Variants in NBEAL2 observed in about 807,000 individuals in gnomAD.
NBEAL2 encodes the protein neurobeachin like 2.
NBEAL2 carries 160 observed loss-of-function variants against 299.8 expected under a neutral mutation model. That is an observed-to-expected ratio of 0.53 (90% CI 0.47 to 0.61). NBEAL2 has a LOEUF of 0.61. Among genes scored for constraint, NBEAL2 ranks in the 20% least tolerant of loss-of-function variants. The pLI is 0.00. For missense variants in NBEAL2, 3,112 were observed against 3,649.0 expected (o/e 0.85, Z 3.79); for synonymous variants, 1,493 against 1,542.3 (o/e 0.97, Z 0.75).
At chr3:46,999,548 GATAGTGGC>G in intron 25 of NBEAL2, 74 bp downstream of exon 25, 1 of 1,591,710 alleles carries the variant, frequency 6.3e-7, no homozygotes, top group South Asian at 1.1e-5. Flanking sequence ...GAAGAAGGAA[GATAGTGGC>G]ATAGGGGCCA....
chr3:46,998,363 C>A, intron 21 of NBEAL2, 100 bp from the exon 22 acceptor site: 1 of 1,509,982 alleles, frequency 6.6e-7, no homozygotes, highest in Non-Finnish European at 9.0e-7. Context: ...GGGACTATGA[C>A]CCTGCCCTGG....
rs2037552902 is a variant in NBEAL2, at chr3:47,007,651, T to C, written c.7461T>C (p.Thr2487=). Residue 2487 remains threonine, a synonymous_variant, in exon 48 of 54, where the codon ACT becomes ACC. Coordinates refer to ENST00000450053, the MANE Select transcript of NBEAL2 (RefSeq NM_015175.3). ...ACTGGGATGGCAGCCTGCGGGTGAC[T>C]GCACTACCCCGTGGCAAGCTGTTGA... ...GGHWDGSLRV[T]ALPRGKLLSQ... 1.2e-6 allele frequency: 2 copies of C among 1,611,042 alleles called. No individual in the cohort carries two copies. Among genetic ancestry groups the C allele is most frequent in the Non-Finnish European group, 1.7e-6 (2 of 1,178,760 alleles).
intron 49 of NBEAL2, 46 bp from the exon 50 acceptor site, chr3:47,008,024 C>T (rs774339303): frequency 1.2e-6 from 2 of 1,601,060 alleles, no homozygotes; most frequent in Admixed American, 1.7e-5. Context: ...GCCTTCATTT[C>T]CTGAGCCTCA....
In NBEAL2 at chr3:46,999,409, G is replaced by A. The variant is rs2036779088; in HGVS notation, c.3638G>A (p.Cys1213Tyr). ...TGTGGTCTCCAGGGTCTGGTTGCCTGCTTGCCTGAGGGGACTGTTTCCCCC... is the reference window on the plus strand; with the variant it reads ...TGTGGTCTCCAGGGTCTGGTTGCCTACTTGCCTGAGGGGACTGTTTCCCCC... Reference protein sequence around the residue: ...RECGLQGLVACLPEGTVSPQL... With the variant: ...RECGLQGLVAYLPEGTVSPQL... Residue 1213 changes from cysteine (C) to tyrosine (Y), a missense_variant, in exon 25 of 54, where the codon TGC becomes TAC. Around this residue, in one of 3 missense-constraint regions of NBEAL2, gnomAD observed 2,243 missense variants for 2,538.1 expected, o/e 0.88. Transcript: ENST00000450053. 1 of 1,597,022 alleles carries A rather than the reference G, an allele frequency of 6.3e-7. No individual in the cohort carries two copies. Among genetic ancestry groups the A allele is most frequent in the Non-Finnish European group, 8.5e-7 (1 of 1,172,570 alleles).
Position 46,996,261 on chromosome 3 carries a change from G to A in NBEAL2, c.2152-10G>A, listed in dbSNP as rs926526909. 5 of 1,604,268 alleles carry A rather than the reference G, an allele frequency of 3.1e-6. No individual in the cohort carries two copies. The highest frequency in any genetic ancestry group is 2.2e-5 in the East Asian group (1 of 44,876). ...GTGACCTGACCGCTCCCCCAACCCC[G>A]GCCCCACAGCCTTTCTCCTCCTGCT... On this transcript the variant is annotated splice_polypyrimidine_tract_variant and intron_variant, in intron 15 of 53. Coordinates refer to ENST00000450053, the MANE Select transcript of NBEAL2 (RefSeq NM_015175.3).
Position 46,995,819 on chromosome 3 carries a change from C to T in NBEAL2, c.2004C>T (p.Pro668=), listed in dbSNP as rs200033229. 48 of 1,613,732 alleles carry T rather than the reference C, an allele frequency of 3.0e-5. No individual in the cohort carries two copies. In the African/African-American group the frequency reaches 4.4e-4, roughly 15 times the overall value. The change falls in exon 14 of 54, where the codon CCC becomes CCT. Residue 668 remains proline (P), a synonymous_variant. Transcript: ENST00000450053. ...AGGAGTATTTGACCATGAGTTTGCC[C>T]GAAGTGTCCTTTGCCGACTCTGCCT... is the stretch of plus-strand genomic sequence containing the variant. The part of the protein sequence containing the change: ...TRKEYLTMSL[P]EVSFADSAWH...
At chr3:46,980,982 T>C (rs748121459) in intron 1 of NBEAL2, among the ~76,000 whole-genome samples, 37 of 152,172 alleles carry the variant, frequency 2.4e-4, no homozygotes, top group Non-Finnish European at 4.3e-4. Context: ...GCTGGCCCAC[T>C]GTCTTCCACG....
Position 47,002,382 on chromosome 3 carries a change from C to T in NBEAL2, c.5163C>T (p.Thr1721=), listed in dbSNP as rs774957444. ...RHFIDKQVQP[T]MSQFEMDTYA... is the part of the protein sequence containing the mutation. ...GCCCAATCCTCCAGGTACAGCCAAC[C>T]ATGTCCCAGTTCGAAATGGACACGT... Residue 1721 remains threonine (T), a synonymous_variant, in exon 32 of 54, where the codon ACC becomes ACT. Transcript: ENST00000450053. 1.2e-6 allele frequency: 2 copies of T among 1,613,560 alleles called. No individual in the cohort carries two copies. The highest frequency in any genetic ancestry group is 1.7e-5 in the Admixed American group (1 of 60,018).
chr3:46,989,401 A>T lies in NBEAL2; in HGVS notation c.473+20A>T. On this transcript the variant is annotated intron_variant, in intron 5 of 53. Coordinates refer to ENST00000450053, the MANE Select transcript of NBEAL2 (RefSeq NM_015175.3). This position sits in a 1 kb window ranked among gnomAD's most constrained non-coding sequence, Gnocchi z 5.5. ...CAGTGGGTGAGACCCAGCCCACAGG[A>T]AGGGAACCCAGAGGAGGGTGGGGAG... 6.4e-7 allele frequency: 1 copy of T among 1,571,128 alleles called. No individual in the cohort carries two copies. Among genetic ancestry groups the T allele is most frequent in the Non-Finnish European group, 8.6e-7 (1 of 1,158,202 alleles).
At position 47,005,112 on chromosome 3, in the gene NBEAL2, G is replaced by A. The variant is rs1325485684; in HGVS notation, c.6419+16G>A. 1 of 1,613,868 alleles carries A rather than the reference G, an allele frequency of 6.2e-7. No homozygotes were observed. Among genetic ancestry groups the A allele is most frequent in the Non-Finnish European group, 8.5e-7 (1 of 1,179,892 alleles). On this transcript the variant is annotated intron_variant, in intron 39 of 53. Transcript: ENST00000450053. ...TGAGGGAGAAGTGAGCATGTGGGCA[G>A]GGCTGGGCTCAGCGGGTAGGGAAAG...
Position 46,997,547 on chromosome 3 carries a change from C to A in NBEAL2, c.2825-14C>A. 6.3e-7 allele frequency: 1 copy of A among 1,586,334 alleles called. No homozygotes were observed. Reference sequence around the variant, plus strand: ...CCCTTGACACACATCTGTCCCCTTCCTGATGGCTGGCAGAGGAACGGATGG... The same window carrying A: ...CCCTTGACACACATCTGTCCCCTTCATGATGGCTGGCAGAGGAACGGATGG... On this transcript the variant is annotated splice_polypyrimidine_tract_variant and intron_variant, in intron 19 of 53. Coordinates refer to ENST00000450053, the MANE Select transcript of NBEAL2 (RefSeq NM_015175.3).
Position 47,008,133 on chromosome 3 carries a change from GTGAGCTGTGTGGCCATCAGCAC to G in NBEAL2, c.7670_7691del (p.Ser2557AsnfsTer14). The G allele has an allele frequency of 1.2e-6, 2 of 1,614,028 alleles. No homozygotes were observed. Among genetic ancestry groups the G allele is most frequent in the Non-Finnish European group, 1.7e-6 (2 of 1,179,884 alleles). On this transcript the variant is annotated frameshift_variant, in exon 50 of 54. Transcript: ENST00000450053. LOFTEE classifies it high-confidence loss of function. Reference sequence around the variant, plus strand: ...GGTCCTGTATGGGCATGGGGCTGCAGTGAGCTGTGTGGCCATCAGCACTGAACTTGACATGGCTGTGTCTGGA... The same window carrying G: ...GGTCCTGTATGGGCATGGGGCTGCAGTGAACTTGACATGGCTGTGTCTGGA...
rs752099575 is a variant in NBEAL2 at position 47,009,559 on chromosome 3, C to T, written c.*239C>T. 7.2e-6 allele frequency: 4 copies of T among 557,980 alleles called. No individual in the cohort carries two copies. Among genetic ancestry groups the T allele is most frequent in the Non-Finnish European group, 6.3e-6 (2 of 316,008 alleles). The allele number at this position is 557,980 out of a possible 1,614,324, so 34.6% of individuals were successfully genotyped here. ...CCAGCACTGGCGTCTGCGGCCGCAG[C>T]AGCACTTTTTGCACAGTCTGGGGCG... On this transcript the variant is annotated 3_prime_UTR_variant, in exon 54 of 54. Coordinates refer to ENST00000450053, the MANE Select transcript of NBEAL2 (RefSeq NM_015175.3).
chr3:46,980,733 C>G (rs1237133380), intron 1 of NBEAL2, among the ~76,000 whole-genome samples: 1 of 152,064 alleles, frequency 6.6e-6, no homozygotes, highest in Non-Finnish European at 1.5e-5. Flanking sequence ...CAGCTGAGAA[C>G]CTGGTATCAC....
rs558112111 is a variant in NBEAL2, at chr3:46,982,287, G to A, written c.51+2375G>A. The stretch of plus-strand genomic sequence containing the variant: ...CTTTAGTTGGCCAGCCACCCAGCCA[G>A]CAACACCTGCACCCCTCCCTTCAGC... On this transcript the variant is annotated intron_variant, in intron 1 of 53. Transcript: ENST00000450053. This position sits in a 1 kb window ranked among gnomAD's most constrained non-coding sequence, Gnocchi z 4.2. Among the ~76,000 whole-genome samples the A allele has an allele frequency of 8.5e-5, 13 of 152,202 alleles. No homozygotes were observed. Among genetic ancestry groups the A allele is most frequent in the Non-Finnish European group, 1.5e-4 (10 of 68,042 alleles).
chr3:47,005,080 C>G lies in NBEAL2; in HGVS notation c.6403C>G (p.Gln2135Glu). Reference sequence around the variant, plus strand: ...CGGTGTGGTGAACCCCAAGCATGCCCAGCTCGTGAGGGAGAAGTGAGCATG... The same window carrying G: ...CGGTGTGGTGAACCCCAAGCATGCCGAGCTCGTGAGGGAGAAGTGAGCATG... ...PIGVVNPKHAQLVREKYESFE... is the reference protein window; with the variant it reads ...PIGVVNPKHAELVREKYESFE... The change falls in exon 39 of 54, where the codon CAG becomes GAG. Residue 2135 changes from glutamine (Q) to glutamate (E), a missense_variant. Physicochemically the swap from Gln to Glu is conservative, Grantham distance 29. This residue lies in a region of NBEAL2 where 521 missense variants were observed against 729.6 expected (regional missense o/e 0.71). Transcript: ENST00000450053. 1 of 1,613,810 alleles carries G rather than the reference C, an allele frequency of 6.2e-7. No individual in the cohort carries two copies. Among genetic ancestry groups the G allele is most frequent in the East Asian group, 2.2e-5 (1 of 44,876 alleles).
In NBEAL2 at chr3:46,996,561, G is replaced by A; in HGVS notation, c.2442G>A (p.Gln814=). The A allele has an allele frequency of 6.5e-7, 1 of 1,540,586 alleles. No individual in the cohort carries two copies. The highest frequency in any genetic ancestry group is 8.8e-7 in the Non-Finnish European group (1 of 1,140,896). The change falls in exon 16 of 54, where the codon CAG becomes CAA. Residue 814 remains glutamine, a synonymous_variant. Coordinates refer to ENST00000450053, the MANE Select transcript of NBEAL2 (RefSeq NM_015175.3). The part of the protein sequence containing the change: ...GAVAIFHEAL[Q]ATALRTLCTL... ...TGGCCATCTTTCACGAAGCCCTGCA[G>A]GCGACGGCTCTGAGGACCCTGTGCA... is the stretch of plus-strand genomic sequence containing the variant.
rs1191007923 is a variant in NBEAL2 at position 46,994,476 on chromosome 3, G to A, written c.1219G>A (p.Gly407Ser). 9 of 1,595,212 alleles carry A rather than the reference G, an allele frequency of 5.6e-6. No homozygotes were observed. Among genetic ancestry groups the A allele is most frequent in the South Asian group, 2.3e-5 (2 of 88,330 alleles). Reference sequence around the variant, plus strand: ...ACAGGAGGTGTTTAAGGAGCGCATCGGCTACCCTCACCTGCAGGAGGTTCT... The same window carrying A: ...ACAGGAGGTGTTTAAGGAGCGCATCAGCTACCCTCACCTGCAGGAGGTTCT... Reference protein sequence around the residue: ...SAKEVFKERIGYPHLQEVLQS... With the variant: ...SAKEVFKERISYPHLQEVLQS... The change falls in exon 12 of 54, where the codon GGC becomes AGC. Residue 407 changes from glycine (G) to serine (S), a missense_variant. By Grantham distance (56) the Gly-to-Ser change is moderately conservative. Coordinates refer to ENST00000450053, the MANE Select transcript of NBEAL2 (RefSeq NM_015175.3).
intron 1 of NBEAL2, chr3:46,987,988 TCA>T (rs906783513): frequency 1.6e-6 from 2 of 1,275,990 alleles, no homozygotes; most frequent in African/African-American, 3.1e-5. Context: ...CATTTCCCGT[TCA>T]CACCAAAGTT....
Sources: gnomAD v4.1 joint callset for allele counts (sites outside exome capture counted in the v4.1 genomes callset) on GRCh38, gnomAD v4.1.1 for gene constraint, gnomAD v4.1.1 regional missense constraint, Gnocchi (gnomAD v3.1) non-coding constraint, MANE v1.5 for transcripts, NCBI Gene and HGNC (gene_info 2026-07-23, HGNC 2026-07-21) for gene names.